TBC1D22A: variants seen among roughly 807,000 people sequenced by gnomAD.
The protein encoded by TBC1D22A is putative GTPase activator.
A neutral mutation model predicts 60.2 loss-of-function variants in TBC1D22A; 38 were observed. The observed-to-expected ratio is 0.63, with a 90% CI of 0.49 to 0.83. The LOEUF is 0.83. Among genes scored for constraint, TBC1D22A ranks in the 40% least tolerant of loss-of-function variants. The pLI is 0.00. For synonymous variants in TBC1D22A, 302 were observed against 281.7 expected (o/e 1.07, Z -0.72); for missense variants, 628 against 701.0 (o/e 0.90, Z 1.18).
At chr22:47,003,590 CT>C (rs2061470522) in intron 10 of TBC1D22A, among the ~76,000 whole-genome samples, 1 of 146,410 alleles carries the variant, frequency 6.8e-6, no homozygotes, top group African/African-American at 2.6e-5. Context: ...TACACACACC[CT>C]ACGCACACAT....
chr22:46,923,775 G>GT (rs1351047346), intron 8 of TBC1D22A, among the ~76,000 whole-genome samples: 10 of 152,162 alleles, frequency 6.6e-5, no homozygotes, highest in Non-Finnish European at 7.4e-5. Flanking sequence ...TTTGTTTCAT[G>GT]TTTTTTTCCC....
chr22:46,957,373 C>T (rs1046947329), intron 8 of TBC1D22A, among the ~76,000 whole-genome samples: 1 of 152,234 alleles, frequency 6.6e-6, no homozygotes, highest in Non-Finnish European at 1.5e-5. Flanking sequence ...GCTGGAAGGC[C>T]TTAGGAAACT....
intron 4 of TBC1D22A, among the ~76,000 whole-genome samples, chr22:46,830,751 A>T (rs1255832819): frequency 6.6e-6 from 1 of 152,212 alleles, no homozygotes; most frequent in Non-Finnish European, 1.5e-5. Context: ...AAGTAATGTG[A>T]TCCTATTTAT....
chr22:47,163,830 C>T (rs545912719), intron 12 of TBC1D22A, among the ~76,000 whole-genome samples: 3 of 152,354 alleles, frequency 2.0e-5, no homozygotes, highest in Admixed American at 2.0e-4. Flanking sequence ...CACACACTTG[C>T]ACCACTGAGC....
chr22:47,046,484 G>A (rs150492841), intron 11 of TBC1D22A, among the ~76,000 whole-genome samples: 63 of 152,288 alleles, frequency 4.1e-4, no homozygotes, highest in Non-Finnish European at 7.9e-4. Flanking sequence ...GAGTGAGGGT[G>A]TGGTAGAGGC....
rs1366638477 is a variant in TBC1D22A, at chr22:46,904,134, TCTATCTATCTACCTAC to T, written c.901-7936_901-7921del. Among the ~76,000 whole-genome samples the T allele has an allele frequency of 8.7e-3, 578 of 66,564 alleles. 5 individuals carry two copies. Among genetic ancestry groups the T allele is most frequent in the African/African-American group, 0.039 (536 of 13,652 alleles). The allele number at this position is 66,564 out of a possible 152,430, so 43.7% of individuals were successfully genotyped here. ...ATCTATCTATCTATCTATCTATCTA[TCTATCTATCTACCTAC>T]CTACCTACCTACCTACCTACCTACC... is the stretch of plus-strand genomic sequence containing the variant. On this transcript the variant is annotated intron_variant, in intron 7 of 12. Transcript: ENST00000337137.
chr22:47,088,889 G>A (rs144756398), intron 11 of TBC1D22A, among the ~76,000 whole-genome samples: 68 of 152,290 alleles, frequency 4.5e-4, no homozygotes, highest in African/African-American at 1.5e-3. Flanking sequence ...AAGCGTTCTC[G>A]CACACACACA....
intron 8 of TBC1D22A, among the ~76,000 whole-genome samples, chr22:46,970,194 C>G (rs554953204): frequency 7.2e-5 from 11 of 152,216 alleles, no homozygotes; most frequent in Non-Finnish European, 1.5e-4. Context: ...TCTCCCAAGG[C>G]CCCGGGGCCT....
intron 4 of TBC1D22A, among the ~76,000 whole-genome samples, chr22:46,830,991 C>G (rs971178153): frequency 2.0e-5 from 3 of 151,730 alleles, no homozygotes; most frequent in African/African-American, 7.3e-5. Context: ...CCTCAGGGTC[C>G]CAGTGAGTCA....
At chr22:47,134,499 C>T (rs2066788936) in intron 12 of TBC1D22A, among the ~76,000 whole-genome samples, 1 of 152,242 alleles carries the variant, frequency 6.6e-6, no homozygotes, top group African/African-American at 2.4e-5. Context: ...CTGGATCAGC[C>T]AGTGTTGACA....
chr22:47,004,130 C>T (rs1384188532), intron 10 of TBC1D22A, among the ~76,000 whole-genome samples: 1 of 149,804 alleles, frequency 6.7e-6, no homozygotes, highest in African/African-American at 2.5e-5. Flanking sequence ...CCTATACACA[C>T]ATCTGCTATA....
intron 10 of TBC1D22A, among the ~76,000 whole-genome samples, chr22:47,010,928 T>C (rs1041233550): frequency 1.3e-5 from 2 of 152,218 alleles, no homozygotes; most frequent in Non-Finnish European, 2.9e-5. Flanking sequence ...GGTCCCTGAC[T>C]CTGGCCTTGG....
In TBC1D22A at chr22:47,094,996, C is replaced by T. The variant is rs544313463; in HGVS notation, c.1330-16512C>T. 1.4e-4 allele frequency among the ~76,000 whole-genome samples: 22 copies of T among 152,314 alleles called. No individual in the cohort carries two copies. The East Asian group carries it at 2.3e-3, about 16-fold the overall frequency. ...GAGCTAATGGATGAGTCACTGAGGC[C>T]GGCTGGGTAGCAACAGGCTCATTTA... is the stretch of plus-strand genomic sequence containing the variant. On this transcript the variant is annotated intron_variant, in intron 11 of 12. Transcript: ENST00000337137.
intron 8 of TBC1D22A, among the ~76,000 whole-genome samples, chr22:46,961,616 T>C (rs922768438): frequency 2.0e-5 from 3 of 152,236 alleles, no homozygotes; most frequent in African/African-American, 7.2e-5. Flanking sequence ...GTAATTCCCA[T>C]GTGAACATGG....
At chr22:47,013,506 C>A (rs2061817263) in intron 10 of TBC1D22A, among the ~76,000 whole-genome samples, 1 of 152,194 alleles carries the variant, frequency 6.6e-6, no homozygotes, top group African/African-American at 2.4e-5. Flanking sequence ...AAGTGATTCC[C>A]AAAGTCGTTG....
At chr22:46,944,473 A>G (rs1047442707) in intron 8 of TBC1D22A, among the ~76,000 whole-genome samples, 3 of 152,084 alleles carry the variant, frequency 2.0e-5, no homozygotes, top group African/African-American at 7.2e-5. Context: ...ATCTTGGCTC[A>G]CTGCAATCTC....
intron 4 of TBC1D22A, among the ~76,000 whole-genome samples, chr22:46,853,205 C>A (rs1262331757): frequency 2.0e-5 from 3 of 152,164 alleles, no homozygotes; most frequent in African/African-American, 7.2e-5. Context: ...CTCTGCCTCC[C>A]CTCGTCCATC....
At position 47,013,519 on chromosome 22, in the gene TBC1D22A, G is replaced by A. The variant is rs150664797; in HGVS notation, c.1201+15810G>A. ...TGAAGTGATTCCCAAAGTCGTTGCT[G>A]ATCATGGTTACAAGTAGCTAGAGAG... is the stretch of plus-strand genomic sequence containing the variant. On this transcript the variant is annotated intron_variant, in intron 10 of 12. Coordinates refer to ENST00000337137, the MANE Select transcript of TBC1D22A (RefSeq NM_014346.5). Among the ~76,000 whole-genome samples the A allele has an allele frequency of 2.6e-5, 4 of 152,330 alleles. No homozygotes were observed. In the East Asian group the frequency reaches 5.8e-4, roughly 22 times the overall value.
chr22:47,081,794 A>G (rs1327670678), intron 11 of TBC1D22A, among the ~76,000 whole-genome samples: 1 of 152,048 alleles, frequency 6.6e-6, no homozygotes, highest in Non-Finnish European at 1.5e-5. Flanking sequence ...GCTGAGAGAA[A>G]TAGAAAAAGA....
Sources: gnomAD v4.1 joint callset for allele counts (sites outside exome capture counted in the v4.1 genomes callset) on GRCh38, gnomAD v4.1.1 for gene constraint, MANE v1.5 for transcripts, NCBI Gene and HGNC (gene_info 2026-07-23, HGNC 2026-07-21) for gene names.